AREL1: variants seen among roughly 807,000 people sequenced by gnomAD.
AREL1 encodes apoptosis-resistant E3 ubiquitin protein ligase 1.
In AREL1, 62 loss-of-function variants were observed where a neutral mutation model predicts 99.0. That is an observed-to-expected ratio of 0.63 (90% confidence interval 0.51 to 0.77). The LOEUF (loss-of-function observed/expected upper bound fraction) is 0.77. Among genes scored for constraint, AREL1 ranks in the 30% least tolerant of loss-of-function variants. The pLI is 0.00. For missense variants in AREL1, 879 were observed against 1,027.6 expected (o/e 0.86, Z 1.98); for synonymous variants, 380 against 376.5 (o/e 1.01, Z -0.11).
At position 74,676,774 on chromosome 14, in the gene AREL1, C is replaced by G. The variant is rs1227187706; in HGVS notation, c.482-22G>C. The G allele has an allele frequency of 9.9e-6, 15 of 1,508,038 alleles. No homozygotes were observed. In the East Asian group the frequency reaches 3.6e-4, roughly 36 times the overall value. The allele number at this position is 1,508,038 out of a possible 1,614,324, so 93.4% of individuals were successfully genotyped here. On this transcript the variant is annotated intron_variant, in intron 5 of 19. Transcript: ENST00000356357. ...ATTCCTGGAACAAAGACAATGGAAT[C>G]TAACATTTATTTATTTTATTTTTTT... is the stretch of plus-strand genomic sequence containing the variant.
rs1300720448 is a variant in AREL1, at chr14:74,663,658, T to A, written c.*62A>T. ...TGTGTTAGGATCAGTGGTTATGATG[T>A]CTGTAACTTGCGCCCAGAAGCTCCA... is the stretch of plus-strand genomic sequence containing the variant. On this transcript the variant is annotated 3_prime_UTR_variant, in exon 20 of 20. Coordinates refer to ENST00000356357, the MANE Select transcript of AREL1 (RefSeq NM_001039479.2). The A allele has an allele frequency of 4.1e-6, 6 of 1,474,174 alleles. No individual in the cohort carries two copies. Among genetic ancestry groups the A allele is most frequent in the Non-Finnish European group, 4.7e-6 (5 of 1,054,692 alleles). 91.3% of individuals were successfully genotyped at this position (1,474,174 alleles called of 1,614,324 possible).
At chr14:74,685,527 T>C (rs2089728141) in intron 3 of AREL1, 73 bp downstream of exon 3, 4 of 1,543,964 alleles carry the variant, frequency 2.6e-6, no homozygotes, top group Non-Finnish European at 3.6e-6. Context: ...GGGAAAAGAA[T>C]AGGCAGAAAG....
intron 12 of AREL1, among the ~76,000 whole-genome samples, chr14:74,671,104 G>A (rs898668042): frequency 2.6e-5 from 4 of 152,036 alleles, no homozygotes; most frequent in Non-Finnish European, 5.9e-5. Context: ...CCAGAGGTCG[G>A]AGATCCCAGG....
intron 5 of AREL1, among the ~76,000 whole-genome samples, chr14:74,676,989 C>T (rs1055158580): frequency 2.6e-5 from 4 of 151,698 alleles, no homozygotes; most frequent in African/African-American, 4.8e-5. Flanking sequence ...TTAGTGGAGA[C>T]GGGGTTTCAC....
At chr14:74,704,554 C>A (rs374822205) in intron 1 of AREL1, among the ~76,000 whole-genome samples, 1 of 152,108 alleles carries the variant, frequency 6.6e-6, no homozygotes, top group Non-Finnish European at 1.5e-5. Context: ...TGACTCTGAA[C>A]AGAATGAGAC....
chr14:74,692,303 C>T lies in AREL1; in HGVS notation c.-308G>A, dbSNP rs761148217. 2 of 453,590 alleles carry T rather than the reference C, an allele frequency of 4.4e-6. No individual in the cohort carries two copies. The highest frequency in any genetic ancestry group is 8.8e-6 in the Non-Finnish European group (2 of 226,200). The allele number at this position is 453,590 out of a possible 1,614,324, so 28.1% of individuals were successfully genotyped here. ...ACTTCTCTCTAGTGCAGGGTGCAATCGACTGCCAAAGGACGCCCCAGGATC... is the reference window on the plus strand; with the variant it reads ...ACTTCTCTCTAGTGCAGGGTGCAATTGACTGCCAAAGGACGCCCCAGGATC... On this transcript the variant is annotated 5_prime_UTR_variant, in exon 2 of 20. Transcript: ENST00000356357.
rs2089381157 is a variant in AREL1 at position 74,672,845 on chromosome 14, C to A, written c.1408G>T (p.Ala470Ser). The A allele has an allele frequency of 6.2e-7, 1 of 1,614,088 alleles. No individual in the cohort carries two copies. Residue 470 changes from alanine (A) to serine (S), a missense_variant, in exon 11 of 20, where the codon GCC (alanine) becomes TCC (serine). Coordinates refer to ENST00000356357, the MANE Select transcript of AREL1 (RefSeq NM_001039479.2). The stretch of plus-strand genomic sequence containing the variant: ...ATTTTACCTACCGATTCCAACAAGG[C>A]ATGTCTGCTGACCTTCAGGGTGACT... ...SKVTLKVSRH[A>S]LLESSLKATR...
intron 1 of AREL1, among the ~76,000 whole-genome samples, chr14:74,706,484 T>C (rs2090182104): frequency 6.6e-6 from 1 of 152,236 alleles, no homozygotes; most frequent in Admixed American, 6.5e-5. Flanking sequence ...ATGAGCATTT[T>C]GTAGTTAAGA....
At position 74,674,066 on chromosome 14, in the gene AREL1, G is replaced by A; in HGVS notation, c.1126C>T (p.Leu376Phe). 6.2e-7 allele frequency: 1 copy of A among 1,613,864 alleles called. No individual in the cohort carries two copies. Among genetic ancestry groups the A allele is most frequent in the Non-Finnish European group, 8.5e-7 (1 of 1,179,820 alleles). ...EFYLKIIPWRLYTFRVCPGTK... is the reference protein window; with the variant it reads ...EFYLKIIPWRFYTFRVCPGTK... ...CCTGGACACACTCGGAAGGTGTAAA[G>A]GCGCCAGGGGATGATCTTCAGGTAG... The change falls in exon 9 of 20, where the codon CTT becomes TTT. Residue 376 changes from leucine to phenylalanine, a missense_variant. Physicochemically the swap from Leu to Phe is conservative, Grantham distance 22 (BLOSUM62 0). Coordinates refer to ENST00000356357, the MANE Select transcript of AREL1 (RefSeq NM_001039479.2).
intron 7 of AREL1, 39 bp downstream of exon 7, chr14:74,676,102 T>G: frequency 8.2e-6 from 13 of 1,593,366 alleles, no homozygotes; most frequent in Non-Finnish European, 1.1e-5. Flanking sequence ...AAGAAACGGC[T>G]GAAGAACAGC....
intron 17 of AREL1, 25 bp from the exon 18 acceptor site, chr14:74,664,950 C>T (rs753372086): frequency 8.1e-6 from 13 of 1,598,168 alleles, no homozygotes; most frequent in Admixed American, 3.3e-5. Flanking sequence ...TAAGGTGTTA[C>T]TATGACAGTC....
rs535766969 is a variant in AREL1 at position 74,663,307 on chromosome 14, G to A, written c.*413C>T. On this transcript the variant is annotated 3_prime_UTR_variant, in exon 20 of 20. Coordinates refer to ENST00000356357, the MANE Select transcript of AREL1 (RefSeq NM_001039479.2). ...TCAAGTACCAGTCTGGTCAAGTAGTGAGGGCCAAAGAGGGTGTCTCCAAGG... is the reference window on the plus strand; with the variant it reads ...TCAAGTACCAGTCTGGTCAAGTAGTAAGGGCCAAAGAGGGTGTCTCCAAGG... 3 of 252,920 alleles carry A rather than the reference G, an allele frequency of 1.2e-5. No individual in the cohort carries two copies. The East Asian group carries it at 2.6e-4, about 22-fold the overall frequency. 15.7% of individuals were successfully genotyped at this position (252,920 alleles called of 1,614,324 possible).
intron 11 of AREL1, 116 bp downstream of exon 11, chr14:74,672,715 A>G (rs2089377553): frequency 2.1e-6 from 3 of 1,426,874 alleles, no homozygotes; most frequent in Admixed American, 3.8e-5. Flanking sequence ...AGCCTGGGCA[A>G]TAGAGTGAGA....
chr14:74,668,691 G>T (rs2089262274), intron 15 of AREL1, among the ~76,000 whole-genome samples: 1 of 151,966 alleles, frequency 6.6e-6, no homozygotes, highest in South Asian at 2.1e-4. Flanking sequence ...TTTCCAGAAA[G>T]GATATCTGAT....
At chr14:74,670,446 G>T (rs554168539) in intron 13 of AREL1, among the ~76,000 whole-genome samples, 15 of 152,138 alleles carry the variant, frequency 9.9e-5, no homozygotes, top group Non-Finnish European at 2.2e-4. Flanking sequence ...TCTAGACAAA[G>T]ATCTAGTACA....
chr14:74,676,072 C>T, intron 7 of AREL1, 69 bp downstream of exon 7: 1 of 1,568,402 alleles, frequency 6.4e-7, no homozygotes, highest in Non-Finnish European at 8.7e-7. Flanking sequence ...TGAGGTCAGA[C>T]AAAAGAGTGC....
chr14:74,693,777 A>G (rs2089929208), intron 1 of AREL1, among the ~76,000 whole-genome samples: 1 of 152,262 alleles, frequency 6.6e-6, no homozygotes. Context: ...ACCAAGGAAG[A>G]AAGCACAAAA....
In AREL1 at chr14:74,673,414, A is replaced by C. The variant is rs73301907; in HGVS notation, c.1159-196T>G. Among the ~76,000 whole-genome samples, 598 of 152,352 alleles carry C rather than the reference A, an allele frequency of 3.9e-3. 5 individuals carry two copies. The highest frequency in any genetic ancestry group is 0.014 in the African/African-American group (574 of 41,576). On this transcript the variant is annotated intron_variant, in intron 9 of 19. Transcript: ENST00000356357. ...CAACATTTAAAATTATTTTAGTCACAGAGACTGCCTTTAGTTAGGACCACC... is the reference window on the plus strand; with the variant it reads ...CAACATTTAAAATTATTTTAGTCACCGAGACTGCCTTTAGTTAGGACCACC...
chr14:74,710,058 G>A (rs1170531571), intron 1 of AREL1, among the ~76,000 whole-genome samples: 1 of 152,166 alleles, frequency 6.6e-6, no homozygotes, highest in Non-Finnish European at 1.5e-5. Context: ...TTCCTCACAA[G>A]TATGTGCCCA....
Sources: gnomAD v4.1 joint callset for allele counts (sites outside exome capture counted in the v4.1 genomes callset) on GRCh38, gnomAD v4.1.1 for gene constraint, MANE v1.5 for transcripts, NCBI Gene and HGNC (gene_info 2026-07-23, HGNC 2026-07-21) for gene names.